The following HDAC8 variants were observed in gnomAD, a reference collection of about 807,000 sequenced individuals.
HDAC8 encodes the protein histone deacetylase-like 1.
In HDAC8, 1 loss-of-function variant was observed where a neutral mutation model predicts 32.2. The observed-to-expected ratio is 0.03, with a 90% CI of 0.01 to 0.15. HDAC8 has a LOEUF of 0.15. Among genes scored for constraint, HDAC8 ranks in the 10% least tolerant of loss-of-function variants. The pLI is 1.00. For missense variants in HDAC8, 117 were observed against 300.0 expected, an observed-to-expected ratio of 0.39 and a Z score of 4.51; for synonymous variants, 108 against 113.9, an observed-to-expected ratio of 0.95 and a Z score of 0.33.
At chrX:72,542,333 A>G (rs1357156371) in intron 4 of HDAC8, among the ~76,000 whole-genome samples, 1 of 112,353 alleles carries the variant, frequency 8.9e-6, no homozygotes, top group African/African-American at 3.2e-5. Flanking sequence ...GTGAATATAC[A>G]TCATTTTCAC....
chrX:72,512,820 C>T, intron 4 of HDAC8, among the ~76,000 whole-genome samples: 1 of 110,994 alleles, frequency 9.0e-6, no homozygotes, highest in Non-Finnish European at 1.9e-5. Context: ...CTCAGTAGGT[C>T]CCCATGCCCA....
At chrX:72,502,845 G>T (rs782537263) in intron 4 of HDAC8, among the ~76,000 whole-genome samples, 1 of 110,747 alleles carries the variant, frequency 9.0e-6, no homozygotes, top group Non-Finnish European at 1.9e-5. Context: ...AGAATCGCTT[G>T]AACCCAGGAG....
chrX:72,488,195 C>T (rs1362685870), intron 7 of HDAC8, among the ~76,000 whole-genome samples: 4 of 111,681 alleles, frequency 3.6e-5, no homozygotes, highest in African/African-American at 9.8e-5. Flanking sequence ...GGGAGAAATA[C>T]GAGCTAAGTT....
Position 72,464,679 on chromosome X carries a change from G to T in HDAC8, c.790C>A (p.Leu264Met). Residue 264 changes from leucine (L) to methionine (M), a missense_variant, in exon 8 of 11, where the codon CTG becomes ATG. Physicochemically the swap from Leu to Met is conservative, Grantham distance 15. This residue lies in a region of HDAC8 where 57 missense variants were observed against 182.0 expected (regional missense o/e 0.31). Coordinates refer to ENST00000373573, the MANE Select transcript of HDAC8 (RefSeq NM_018486.3). ...TCCCCAGCTATTGTGTCAGCTCCCA[G>T]CTGTAAGACCACTGCTTTGGGATTA... ...AFNPKAVVLQLGADTIAGDPM... is the reference protein window; with the variant it reads ...AFNPKAVVLQMGADTIAGDPM... 1 of 1,206,580 alleles carries T rather than the reference G, an allele frequency of 8.3e-7. No individual in the cohort carries two copies. Among genetic ancestry groups the T allele is most frequent in the Non-Finnish European group, 1.1e-6 (1 of 890,693 alleles).
At position 72,452,902 on chromosome X, in the gene HDAC8, C is replaced by T. The variant is rs185607041; in HGVS notation, c.1005+9102G>A. On this transcript the variant is annotated intron_variant, in intron 9 of 10. Coordinates refer to ENST00000373573, the MANE Select transcript of HDAC8 (RefSeq NM_018486.3). ...ATGATGGAGTTAGTAGACAAGGACT[C>T]TAAAACAGCTATTATAAATATGCTC... Among the ~76,000 whole-genome samples the T allele has an allele frequency of 1.6e-4, 18 of 110,756 alleles. 1 individual carries two copies. The highest frequency in any genetic ancestry group is 7.7e-4 in the Admixed American group (8 of 10,418).
chrX:72,335,153 A>G (rs1157029293), intron 10 of HDAC8, among the ~76,000 whole-genome samples: 1 of 112,390 alleles, frequency 8.9e-6, no homozygotes, highest in Non-Finnish European at 1.9e-5. Flanking sequence ...TTAGTGTGAT[A>G]CATTTATTAT....
At chrX:72,478,004 C>T (rs1170282025) in intron 7 of HDAC8, among the ~76,000 whole-genome samples, 2 of 112,324 alleles carry the variant, frequency 1.8e-5, no homozygotes, top group African/African-American at 6.5e-5. Context: ...AGTGGCGCTC[C>T]GCTTCTTAGT....
intron 7 of HDAC8, among the ~76,000 whole-genome samples, chrX:72,484,872 T>C (rs1483065422): frequency 8.9e-6 from 1 of 112,268 alleles, no homozygotes; most frequent in African/African-American, 3.2e-5. Flanking sequence ...TTTTAGGTAA[T>C]AGATTAAACA....
At chrX:72,560,611 C>T (rs1468615369) in intron 4 of HDAC8, among the ~76,000 whole-genome samples, 1 of 103,647 alleles carries the variant, frequency 9.6e-6, no homozygotes. Flanking sequence ...CAATGGACAC[C>T]TTTACCTTGT....
intron 9 of HDAC8, among the ~76,000 whole-genome samples, chrX:72,448,967 A>G (rs1482666005): frequency 1.8e-5 from 2 of 112,354 alleles, no homozygotes; most frequent in African/African-American, 6.5e-5. Context: ...GAACGTTTTC[A>G]CACTGTTGGT....
chrX:72,360,061 G>GA (rs568742516), intron 9 of HDAC8, among the ~76,000 whole-genome samples: 4,183 of 82,473 alleles, frequency 0.051, 270 homozygotes, highest in African/African-American at 0.17. Context: ...CTCAAAAAAA[G>GA]AAAAAAAAAA....
At chrX:72,493,330 AAG>A (rs1263101134) in intron 5 of HDAC8, among the ~76,000 whole-genome samples, 2 of 111,814 alleles carry the variant, frequency 1.8e-5, no homozygotes, top group African/African-American at 6.5e-5. Flanking sequence ...AGACTAGGTA[AAG>A]AGTGTGGACT....
intron 10 of HDAC8, among the ~76,000 whole-genome samples, chrX:72,332,882 C>T (rs1272541522): frequency 1.8e-5 from 2 of 110,774 alleles, no homozygotes; most frequent in African/African-American, 6.6e-5. Context: ...AAACTCCTGA[C>T]CTCAAATAAT....
chrX:72,335,398 T>C (rs2043652920), intron 10 of HDAC8, among the ~76,000 whole-genome samples: 1 of 112,178 alleles, frequency 8.9e-6, no homozygotes, highest in South Asian at 3.7e-4. Flanking sequence ...TTTACAGTCA[T>C]ATGGTTAGAA....
At chrX:72,404,414 G>A (rs1185544451) in intron 9 of HDAC8, among the ~76,000 whole-genome samples, 2 of 110,941 alleles carry the variant, frequency 1.8e-5, no homozygotes, top group Non-Finnish European at 3.8e-5. Context: ...ACTTGCTATT[G>A]TAAAGCCTTT....
intron 4 of HDAC8, among the ~76,000 whole-genome samples, chrX:72,551,717 T>C (rs1409142836): frequency 8.9e-6 from 1 of 112,025 alleles, no homozygotes; most frequent in Non-Finnish European, 1.9e-5. Flanking sequence ...CCAGTCTCAG[T>C]TCCCTCCAAT....
At position 72,433,116 on chromosome X, in the gene HDAC8, T is replaced by C. The variant is rs190087001; in HGVS notation, c.1005+28888A>G. Among the ~76,000 whole-genome samples, 7 of 111,682 alleles carry C rather than the reference T, an allele frequency of 6.3e-5. No individual in the cohort carries two copies. The Admixed American group carries it at 6.6e-4, about 11-fold the overall frequency. On this transcript the variant is annotated intron_variant, in intron 9 of 10. Transcript: ENST00000373573. The stretch of plus-strand genomic sequence containing the variant: ...GCCCTTTATACTTGTGAGTGTCTCA[T>C]GTGTGATGATTGTAAGTATATAAAC...
chrX:72,339,629 G>A (rs2043836004), intron 10 of HDAC8, among the ~76,000 whole-genome samples: 1 of 112,150 alleles, frequency 8.9e-6, no homozygotes, highest in South Asian at 3.7e-4. Context: ...GGTGGCCAGA[G>A]GCCATATCAA....
At chrX:72,533,069 C>G (rs1483654633) in intron 4 of HDAC8, among the ~76,000 whole-genome samples, 8 of 111,586 alleles carry the variant, frequency 7.2e-5, no homozygotes, top group Non-Finnish European at 3.8e-5. Context: ...CAACTTCACT[C>G]TTTTGAAGGT....
Sources: gnomAD v4.1 joint callset for allele counts (sites outside exome capture counted in the v4.1 genomes callset) on GRCh38, gnomAD v4.1.1 for gene constraint, gnomAD v4.1.1 regional missense constraint, MANE v1.5 for transcripts, NCBI Gene and HGNC (gene_info 2026-07-23, HGNC 2026-07-21) for gene names.